COL8A1: variants seen among roughly 807,000 people sequenced by gnomAD.
COL8A1 encodes collagen alpha-1(VIII) chain.
A neutral mutation model predicts 42.7 loss-of-function variants in COL8A1; 21 were observed. That is an observed-to-expected ratio of 0.49 (90% CI 0.35 to 0.71). The LOEUF (loss-of-function observed/expected upper bound fraction) is 0.71, where lower values mean the gene tolerates loss of function less well. Ranked by LOEUF, COL8A1 falls within the 30% of genes least tolerant of loss-of-function variation. The pLI, the probability that COL8A1 is intolerant of heterozygous loss-of-function variation, is 0.01. For synonymous variants in COL8A1, 367 were observed against 369.1 expected (o/e 0.99, Z 0.06); for missense variants, 788 against 962.4 (o/e 0.82, Z 2.40).
intron 1 of COL8A1, among the ~76,000 whole-genome samples, chr3:99,736,381 C>CT (rs139446673): frequency 2.4e-4 from 36 of 149,278 alleles, no homozygotes; most frequent in Middle Eastern, 3.5e-3. Context: ...CAAAGAACAT[C>CT]TTTTTTTTTT....
At chr3:99,700,481 C>T (rs1171987138) in intron 1 of COL8A1, among the ~76,000 whole-genome samples, 1 of 151,962 alleles carries the variant, frequency 6.6e-6, no homozygotes, top group Non-Finnish European at 1.5e-5. Context: ...GTGAAGTCAC[C>T]TTTTAGATGA....
chr3:99,655,050 G>A (rs1171246266), intron 1 of COL8A1, among the ~76,000 whole-genome samples: 1 of 152,152 alleles, frequency 6.6e-6, no homozygotes, highest in South Asian at 2.1e-4. Context: ...CCCATAGGTT[G>A]CAGTTGAAAG....
intron 1 of COL8A1, 57 bp from the exon 2 acceptor site, chr3:99,744,840 T>G (rs886614498): frequency 7.2e-6 from 1 of 139,666 alleles, no homozygotes; most frequent in Non-Finnish European, 1.6e-5. Flanking sequence ...AGAATAATAC[T>G]TTGATAATGC....
chr3:99,650,835 T>C (rs2107289372), intron 1 of COL8A1, among the ~76,000 whole-genome samples: 1 of 152,314 alleles, frequency 6.6e-6, no homozygotes, highest in Non-Finnish European at 1.5e-5. Context: ...CAAGAAACTA[T>C]TTAACTTTTT....
intron 2 of COL8A1, among the ~76,000 whole-genome samples, chr3:99,755,929 C>T (rs1219769638): frequency 1.3e-5 from 2 of 152,050 alleles, no homozygotes; most frequent in South Asian, 2.1e-4. Context: ...AACAGAGTGA[C>T]AGGATCTGGT....
chr3:99,729,331 T>C (rs1420988633), intron 1 of COL8A1, among the ~76,000 whole-genome samples: 1 of 152,028 alleles, frequency 6.6e-6, no homozygotes. Context: ...ACTAATAGAA[T>C]CCAAAGATTT....
chr3:99,700,671 C>A (rs1219730162), intron 1 of COL8A1, among the ~76,000 whole-genome samples: 1 of 152,104 alleles, frequency 6.6e-6, no homozygotes, highest in Non-Finnish European at 1.5e-5. Flanking sequence ...CCACCTTTAC[C>A]AAAATCTCAA....
At chr3:99,711,964 GT>G (rs1181386455) in intron 1 of COL8A1, among the ~76,000 whole-genome samples, 17 of 152,102 alleles carry the variant, frequency 1.1e-4, no homozygotes, top group African/African-American at 4.1e-4. Flanking sequence ...CTCTTGGTTT[GT>G]GACTTTCTTT....
intron 1 of COL8A1, among the ~76,000 whole-genome samples, chr3:99,701,356 G>A (rs945041888): frequency 6.6e-6 from 1 of 152,154 alleles, no homozygotes; most frequent in African/African-American, 2.4e-5. Context: ...AACAAAATAT[G>A]GGTGGTCACA....
chr3:99,646,581 C>G (rs528136985), intron 1 of COL8A1, among the ~76,000 whole-genome samples: 6 of 152,166 alleles, frequency 3.9e-5, no homozygotes, highest in African/African-American at 1.4e-4. Flanking sequence ...TAATTTAGTA[C>G]GGTAAATGGA....
At chr3:99,669,986 G>A (rs909322070) in intron 1 of COL8A1, among the ~76,000 whole-genome samples, 11 of 151,906 alleles carry the variant, frequency 7.2e-5, no homozygotes, top group Admixed American at 2.0e-4. Context: ...ACAAAATTCT[G>A]TATAATTTCT....
intron 1 of COL8A1, chr3:99,703,618 TCTATTACAAGG>T (rs1479155212): frequency 6.6e-6 from 1 of 152,228 alleles, no homozygotes. Context: ...AAGGAGAAAG[TCTATTACAAGG>T]CAGCAATATC....
intron 1 of COL8A1, among the ~76,000 whole-genome samples, chr3:99,653,135 A>G (rs547944820): frequency 6.6e-6 from 1 of 152,230 alleles, no homozygotes; most frequent in Non-Finnish European, 1.5e-5. Flanking sequence ...GGTGCTCAAT[A>G]AAAGTTTATT....
chr3:99,682,180 C>A (rs1938902914), intron 1 of COL8A1, among the ~76,000 whole-genome samples: 1 of 152,092 alleles, frequency 6.6e-6, no homozygotes, highest in Non-Finnish European at 1.5e-5. Context: ...TTTCGGAGGC[C>A]AAGGCGGGAG....
chr3:99,677,255 TG>T (rs1938727206), intron 1 of COL8A1, among the ~76,000 whole-genome samples: 1 of 152,104 alleles, frequency 6.6e-6, no homozygotes, highest in African/African-American at 2.4e-5. Flanking sequence ...GACAGGTGCT[TG>T]AAAATACAAC....
At chr3:99,685,373 A>G (rs1409189462) in intron 1 of COL8A1, 1 of 152,128 alleles carries the variant, frequency 6.6e-6, no homozygotes, top group Non-Finnish European at 1.5e-5. Context: ...TAGTCACATT[A>G]TACTGGATAG....
intron 2 of COL8A1, among the ~76,000 whole-genome samples, chr3:99,770,755 G>A (rs1941563370): frequency 6.6e-6 from 1 of 152,178 alleles, no homozygotes; most frequent in Non-Finnish European, 1.5e-5. Context: ...CTATTTGCCA[G>A]CCACTGGGGA....
intron 1 of COL8A1, among the ~76,000 whole-genome samples, chr3:99,647,355 A>C (rs1937680385): frequency 6.6e-6 from 1 of 152,188 alleles, no homozygotes; most frequent in Non-Finnish European, 1.5e-5. Flanking sequence ...ACTCTAAGAT[A>C]TGTAGAGAGA....
intron 1 of COL8A1, among the ~76,000 whole-genome samples, chr3:99,660,049 C>CA (rs1436528834): frequency 6.6e-6 from 1 of 152,196 alleles, no homozygotes; most frequent in African/African-American, 2.4e-5. Flanking sequence ...GCACCAAGCC[C>CA]AGCTTCTCTG....
Sources: gnomAD v4.1 joint callset for allele counts (sites outside exome capture counted in the v4.1 genomes callset) on GRCh38, gnomAD v4.1.1 for gene constraint, MANE v1.5 for transcripts, NCBI Gene and HGNC (gene_info 2026-07-23, HGNC 2026-07-21) for gene names.